Variants in SYNE2 observed in about 807,000 individuals in gnomAD.
SYNE2 encodes spectrin repeat containing nuclear envelope protein 2.
In SYNE2, 431 loss-of-function variants were observed where a neutral mutation model predicts 856.3. That is an observed-to-expected ratio of 0.50 (90% CI 0.47 to 0.55). The LOEUF is 0.55. Ranked by LOEUF, SYNE2 falls within the 20% of genes least tolerant of loss-of-function variation. The pLI, the probability that SYNE2 is intolerant of heterozygous loss-of-function variation, is 0.00. For missense variants in SYNE2, 8,129 were observed against 8,023.2 expected (o/e 1.01, Z -0.50); for synonymous variants, 2,923 against 2,872.3 (o/e 1.02, Z -0.56).
rs2096412602 is a variant in SYNE2, at chr14:63,967,632, A to T, written c.991-77A>T. On this transcript the variant is annotated intron_variant, in intron 10 of 115. Coordinates refer to ENST00000555002, the MANE Select transcript of SYNE2 (RefSeq NM_182914.3). ...AAACTTAAATATATCCTATACCTAT[A>T]GACCTCAAAATAACAGATTATATGA... 6.1e-6 allele frequency: 9 copies of T among 1,464,068 alleles called. No homozygotes were observed. In the South Asian group the frequency reaches 1.1e-4, roughly 18 times the overall value. 90.7% of individuals were successfully genotyped at this position (1,464,068 alleles called of 1,614,324 possible). A position where few individuals can be genotyped will look rare whatever the true frequency, so the allele number is the denominator to read the frequency against.
Position 63,887,749 on chromosome 14 carries a change from C to CTTT in SYNE2, c.-51-21330_-51-21328dup, listed in dbSNP as rs11450102. On this transcript the variant is annotated intron_variant, in intron 1 of 115. Coordinates refer to ENST00000555002, the MANE Select transcript of SYNE2 (RefSeq NM_182914.3). ...CTTTTGTGGACTACTGTGAGTCCTG[C>CTTT]TTTTTTTTTTTTTTTTTTTTTGAGA... Among the ~76,000 whole-genome samples the CTTT allele has an allele frequency of 1.0e-3, 109 of 108,258 alleles. 2 individuals carry two copies. Among genetic ancestry groups the CTTT allele is most frequent in the Middle Eastern group, 5.4e-3 (1 of 184 alleles). 71.0% of individuals were successfully genotyped at this position (108,258 alleles called of 152,430 possible). A position where few individuals can be genotyped will look rare whatever the true frequency, so the allele number is the denominator to read the frequency against.
chr14:63,769,928 T>C (rs1886840639), intron 1 of SYNE2, among the ~76,000 whole-genome samples: 1 of 151,566 alleles, frequency 6.6e-6, no homozygotes, highest in South Asian at 2.1e-4. Context: ...AACATATATA[T>C]ATATTTGAGA....
chr14:63,904,939 G>T (rs1700505222), intron 1 of SYNE2, among the ~76,000 whole-genome samples: 1 of 152,032 alleles, frequency 6.6e-6, no homozygotes, highest in Non-Finnish European at 1.5e-5. Context: ...ATAGTTTGAG[G>T]TCTTACATTT....
intron 1 of SYNE2, among the ~76,000 whole-genome samples, chr14:63,805,796 TATAG>T (rs1224446097): frequency 5.3e-5 from 8 of 152,254 alleles, no homozygotes; most frequent in African/African-American, 1.9e-4. Flanking sequence ...GTTGTTTGTA[TATAG>T]AAATGCTACT....
intron 76 of SYNE2, 73 bp from the exon 77 acceptor site, chr14:64,132,192 A>AAGTTGATATATATCC: frequency 1.3e-6 from 2 of 1,547,158 alleles, no homozygotes; most frequent in South Asian, 2.3e-5. Flanking sequence ...ACTGGATATA[A>AAGTTGATATATATCC]AGTTGAAGTA....
chr14:64,170,562 C>A, intron 94 of SYNE2, 100 bp downstream of exon 94: 1 of 1,219,836 alleles, frequency 8.2e-7, no homozygotes, highest in Non-Finnish European at 1.2e-6. Context: ...TGATGTGATC[C>A]AAGTGGGCTC....
At chr14:64,118,664 C>T (rs2097871975) in intron 66 of SYNE2, among the ~76,000 whole-genome samples, 1 of 151,964 alleles carries the variant, frequency 6.6e-6, no homozygotes, top group African/African-American at 2.4e-5. Context: ...AGTTTGAGAC[C>T]AGCCTGGCCA....
chr14:64,074,257 G>C, intron 53 of SYNE2, 121 bp downstream of exon 53: 1 of 990,246 alleles, frequency 1.0e-6, no homozygotes, highest in Non-Finnish European at 1.6e-6. Context: ...GAGAGAGAGA[G>C]AGGCATAGGC....
chr14:64,052,578 A>C lies in SYNE2; in HGVS notation c.8665A>C (p.Ser2889Arg). 1 of 1,614,180 alleles carries C rather than the reference A, an allele frequency of 6.2e-7. No individual in the cohort carries two copies. The highest frequency in any genetic ancestry group is 1.1e-5 in the South Asian group (1 of 91,086). ...ASQKELQEID[S>R]GISTHLQELT... Reference sequence around the variant, plus strand: ...TCAGAAGGAATTGCAAGAAATTGACAGTGGAATCTCAACACATCTTCAGGA... The same window carrying C: ...TCAGAAGGAATTGCAAGAAATTGACCGTGGAATCTCAACACATCTTCAGGA... Residue 2889 changes from serine (S) to arginine (R), a missense_variant, in exon 48 of 116, where the codon AGT (serine) becomes CGT (arginine). By Grantham distance (110) the Ser-to-Arg change is moderately radical (BLOSUM62 -1). Transcript: ENST00000555002.
intron 1 of SYNE2, among the ~76,000 whole-genome samples, chr14:63,843,273 A>C (rs1464955282): frequency 6.6e-6 from 1 of 151,936 alleles, no homozygotes; most frequent in African/African-American, 2.4e-5. Context: ...GGCTGGTCTC[A>C]AACTCCAAGC....
In SYNE2 at chr14:64,143,961, G is replaced by A. The variant is rs369303929; in HGVS notation, c.15483+13G>A. ...GCTGAATAGAAAGGTGTGTTCCTGC[G>A]TCACAACTGGATGTGTGGTTTGACC... On this transcript the variant is annotated intron_variant, in intron 83 of 115. Coordinates refer to ENST00000555002, the MANE Select transcript of SYNE2 (RefSeq NM_182914.3). 35 of 1,613,996 alleles carry A rather than the reference G, an allele frequency of 2.2e-5. No homozygotes were observed. Among genetic ancestry groups the A allele is most frequent in the Middle Eastern group, 1.7e-4 (1 of 6,060 alleles).
intron 8 of SYNE2, chr14:63,960,876 C>CT (rs956142603): frequency 1.3e-5 from 8 of 605,192 alleles, no homozygotes; most frequent in African/African-American, 1.3e-4. Flanking sequence ...GAGACCCTGT[C>CT]TAAAAAAAAT....
In SYNE2 at chr14:64,168,926, T is replaced by C; in HGVS notation, c.16955T>C (p.Val5652Ala). 6.2e-7 allele frequency: 1 copy of C among 1,614,146 alleles called. No individual in the cohort carries two copies. Among genetic ancestry groups the C allele is most frequent in the Non-Finnish European group, 8.5e-7 (1 of 1,179,998 alleles). The change falls in exon 93 of 116, where the codon GTC (valine) becomes GCC (alanine). Residue 5652 changes from valine to alanine, a missense_variant. Physicochemically the swap from Val to Ala is moderately conservative, Grantham distance 64. Transcript: ENST00000555002. ...AACCAGACAATTGCTGATTCCTATG[T>C]CACCCAGTCCTTACAACTCCTGGAC... Reference protein sequence around the residue: ...SINQTIADSYVTQSLQLLDTT... With the variant: ...SINQTIADSYATQSLQLLDTT...
intron 6 of SYNE2, among the ~76,000 whole-genome samples, chr14:63,946,806 T>C (rs1429445766): frequency 6.6e-6 from 1 of 151,860 alleles, no homozygotes; most frequent in Non-Finnish European, 1.5e-5. Context: ...ATAATTTTAA[T>C]ATAGTTTGAA....
intron 77 of SYNE2, among the ~76,000 whole-genome samples, chr14:64,133,809 C>G (rs970656869): frequency 6.6e-6 from 1 of 152,060 alleles, no homozygotes; most frequent in Non-Finnish European, 1.5e-5. Flanking sequence ...GTCATGTTAC[C>G]CAGTTTGACA....
At chr14:64,021,796 T>C in intron 36 of SYNE2, 61 bp from the exon 37 acceptor site, 1 of 1,558,646 alleles carries the variant, frequency 6.4e-7, no homozygotes. Flanking sequence ...AGATCTAATA[T>C]GCTTTGTGTA....
chr14:64,038,520 A>G lies in SYNE2; in HGVS notation c.7221+7163A>G, dbSNP rs1277449159. 5.3e-5 allele frequency among the ~76,000 whole-genome samples: 8 copies of G among 152,320 alleles called. No homozygotes were observed. The East Asian group carries it at 1.5e-3, about 29-fold the overall frequency. On this transcript the variant is annotated intron_variant, in intron 45 of 115. Transcript: ENST00000555002. ...GGGAGGTGGAGGTTGTAGCGAGCCG[A>G]GATCACGCCACTGCACTCCAGCCTG... is the stretch of plus-strand genomic sequence containing the variant.
At chr14:63,948,951 T>C (rs756227654) in intron 6 of SYNE2, among the ~76,000 whole-genome samples, 14 of 151,724 alleles carry the variant, frequency 9.2e-5, no homozygotes, top group Non-Finnish European at 1.3e-4. Context: ...GCTTGATTTA[T>C]GGTGCAGCAT....
intron 70 of SYNE2, among the ~76,000 whole-genome samples, chr14:64,124,509 C>T (rs763703267): frequency 4.1e-4 from 63 of 151,822 alleles, no homozygotes; most frequent in Admixed American, 1.4e-3. Context: ...TAGGCATAAG[C>T]CACTAAGCCC....
Sources: gnomAD v4.1 joint callset for allele counts (sites outside exome capture counted in the v4.1 genomes callset) on GRCh38, gnomAD v4.1.1 for gene constraint, MANE v1.5 for transcripts, NCBI Gene and HGNC (gene_info 2026-07-23, HGNC 2026-07-21) for gene names.